Variants in EDA observed in about 807,000 individuals in gnomAD.
EDA encodes the protein ectodysplasin A.
Under a neutral mutation model 23.6 loss-of-function variants are expected in EDA, and 2 were observed. The observed-to-expected ratio is 0.08, with a 90% CI of 0.03 to 0.27. The LOEUF (loss-of-function observed/expected upper bound fraction) is 0.27, where lower values mean the gene tolerates loss of function less well. Ranked by LOEUF, EDA falls within the 10% of genes least tolerant of loss-of-function variation. The pLI is 1.00. For missense variants in EDA, 229 were observed against 324.2 expected, an observed-to-expected ratio of 0.71 and a Z score of 2.26; for synonymous variants, 131 against 132.0, an observed-to-expected ratio of 0.99 and a Z score of 0.05.
intron 1 of EDA, among the ~76,000 whole-genome samples, chrX:69,810,825 G>C (rs1438209904): frequency 9.1e-6 from 1 of 110,358 alleles, no homozygotes; most frequent in Non-Finnish European, 1.9e-5. Flanking sequence ...ATGTTGACAA[G>C]TCACAGCCCT....
intron 1 of EDA, among the ~76,000 whole-genome samples, chrX:69,756,033 C>G (rs1161998240): frequency 1.8e-5 from 2 of 112,061 alleles, no homozygotes; most frequent in East Asian, 5.6e-4. Context: ...GATGCCCCGC[C>G]CTGCTCCATG....
chrX:69,694,010 G>A (rs1569298651), intron 1 of EDA, among the ~76,000 whole-genome samples: 1 of 111,423 alleles, frequency 9.0e-6, no homozygotes, highest in Admixed American at 9.5e-5. Flanking sequence ...AAGGATTATG[G>A]GTTTGACAAA....
At chrX:69,904,477 A>G (rs1361088000) in intron 1 of EDA, among the ~76,000 whole-genome samples, 1 of 110,826 alleles carries the variant, frequency 9.0e-6, no homozygotes, top group Non-Finnish European at 1.9e-5. Context: ...CAGCCTCCCA[A>G]GTAGCTGGGA....
Position 69,616,586 on chromosome X carries a change from T to C in EDA, c.278T>C (p.Leu93Pro). 1 of 1,211,271 alleles carries C rather than the reference T, an allele frequency of 8.3e-7. No homozygotes were observed. Among genetic ancestry groups the C allele is most frequent in the Non-Finnish European group, 1.1e-6 (1 of 895,272 alleles). The change falls in exon 1 of 8, where the codon CTC (leucine) becomes CCC (proline). Residue 93 changes from leucine to proline, a missense_variant. Around this residue, in one of 2 missense-constraint regions of EDA, gnomAD observed 175 missense variants for 281.8 expected, o/e 0.62. Coordinates refer to ENST00000374552, the MANE Select transcript of EDA (RefSeq NM_001399.5). ...GGCACCTCTGGCACCCTAAGCAGCC[T>C]CGGTGGCCTCGACCCTGACAGCCCC... ...TPGTSGTLSS[L>P]GGLDPDSPIT... is the part of the protein sequence containing the mutation.
chrX:69,640,642 G>A (rs772079980), intron 1 of EDA, among the ~76,000 whole-genome samples: 13 of 110,863 alleles, frequency 1.2e-4, no homozygotes, highest in Non-Finnish European at 2.1e-4. Context: ...CAAAGGCTGG[G>A]TGAACACTGC....
intron 3 of EDA, 55 bp from the exon 4 acceptor site, chrX:70,027,802 A>T: frequency 3.6e-6 from 2 of 562,812 alleles, no homozygotes; most frequent in East Asian, 3.6e-5. Flanking sequence ...CAGCCTGGGC[A>T]ACAGAGCAGG....
intron 2 of EDA, among the ~76,000 whole-genome samples, chrX:70,005,574 G>A (rs1376218323): frequency 9.1e-6 from 1 of 109,733 alleles, no homozygotes; most frequent in African/African-American, 3.3e-5. Flanking sequence ...GGAACACAGA[G>A]GAATTAGTGT....
chrX:69,961,632 T>C (rs192222434), intron 2 of EDA, among the ~76,000 whole-genome samples: 1 of 112,486 alleles, frequency 8.9e-6, no homozygotes, highest in African/African-American at 3.2e-5. Context: ...AATGAAAGCA[T>C]TGGCTAGCTA....
At chrX:70,002,786 C>G (rs775094062) in intron 2 of EDA, among the ~76,000 whole-genome samples, 1 of 112,171 alleles carries the variant, frequency 8.9e-6, no homozygotes, top group South Asian at 3.7e-4. Flanking sequence ...ATTAGCTTAA[C>G]TCAGCTCCCC....
chrX:69,929,348 A>G (rs1031630632), intron 1 of EDA, among the ~76,000 whole-genome samples: 4 of 111,729 alleles, frequency 3.6e-5, no homozygotes, highest in African/African-American at 9.7e-5. Flanking sequence ...ACTTTTTTAA[A>G]GCTATTAAAA....
chrX:69,977,924 A>G (rs774478035), intron 2 of EDA, among the ~76,000 whole-genome samples: 61 of 111,570 alleles, frequency 5.5e-4, no homozygotes, highest in African/African-American at 9.1e-4. Flanking sequence ...GACAAGATCA[A>G]TGCATCAGAA....
intron 2 of EDA, among the ~76,000 whole-genome samples, chrX:69,995,386 A>G (rs908611466): frequency 2.7e-5 from 3 of 112,410 alleles, no homozygotes; most frequent in Admixed American, 9.4e-5. Context: ...GTTTTCATAT[A>G]TAGCTCATGA....
chrX:69,683,081 T>C (rs1312372653), intron 1 of EDA, among the ~76,000 whole-genome samples: 1 of 111,579 alleles, frequency 9.0e-6, no homozygotes, highest in Non-Finnish European at 1.9e-5. Flanking sequence ...GGGATAATAT[T>C]AATACCAGTC....
At chrX:69,636,722 A>G (rs1932781437) in intron 1 of EDA, among the ~76,000 whole-genome samples, 1 of 109,878 alleles carries the variant, frequency 9.1e-6, no homozygotes, top group African/African-American at 3.3e-5. Context: ...AATACGTTCA[A>G]GGAAACCGTT....
chrX:69,676,765 T>G (rs1481199953), intron 1 of EDA, among the ~76,000 whole-genome samples: 1 of 111,351 alleles, frequency 9.0e-6, no homozygotes, highest in East Asian at 2.8e-4. Context: ...TCCCCTGTCT[T>G]GGATTCAAGG....
At chrX:69,784,391 C>T (rs1286739218) in intron 1 of EDA, among the ~76,000 whole-genome samples, 2 of 95,805 alleles carry the variant, frequency 2.1e-5, no homozygotes, top group South Asian at 5.2e-4. Flanking sequence ...AATGGTAATG[C>T]CTAGGTTTTC....
At chrX:69,892,256 C>A (rs960763421) in intron 1 of EDA, among the ~76,000 whole-genome samples, 1 of 111,811 alleles carries the variant, frequency 8.9e-6, no homozygotes, top group African/African-American at 3.2e-5. Flanking sequence ...GTATAAATGT[C>A]TTTGCTCTAT....
chrX:69,717,785 C>T (rs1021229542), intron 1 of EDA, among the ~76,000 whole-genome samples: 4 of 111,543 alleles, frequency 3.6e-5, no homozygotes, highest in Non-Finnish European at 7.5e-5. Flanking sequence ...TCCCAAAGTG[C>T]TGGGATTACA....
At chrX:69,628,480 A>G (rs1051991647) in intron 1 of EDA, among the ~76,000 whole-genome samples, 1 of 111,510 alleles carries the variant, frequency 9.0e-6, no homozygotes, top group African/African-American at 3.3e-5. Flanking sequence ...CTCAAGACAG[A>G]TTCAGCTAAC....
Sources: gnomAD v4.1 joint callset for allele counts (sites outside exome capture counted in the v4.1 genomes callset) on GRCh38, gnomAD v4.1.1 for gene constraint, gnomAD v4.1.1 regional missense constraint, MANE v1.5 for transcripts, NCBI Gene and HGNC (gene_info 2026-07-23, HGNC 2026-07-21) for gene names.